The following AMZ1 variants were observed in gnomAD, a reference collection of about 807,000 sequenced individuals.
AMZ1 encodes the protein archaelysin family metallopeptidase 1, also known as archaemetzincin-1.
A neutral mutation model predicts 29.9 loss-of-function variants in AMZ1; 39 were observed. That is an observed-to-expected ratio of 1.30 (90% CI 1.01 to 1.70). The LOEUF (loss-of-function observed/expected upper bound fraction) is 1.70, where lower values mean the gene tolerates loss of function less well. Ranked by LOEUF, AMZ1 falls within the 40% of genes most tolerant of loss-of-function variation. AMZ1 has a pLI of 0.00. For missense variants in AMZ1, 1,041 were observed against 680.6 expected (o/e 1.53, Z -5.89); for synonymous variants, 458 against 304.0 (o/e 1.51, Z -5.27).
In AMZ1 at chr7:2,694,018, G is replaced by A. The variant is rs572165102; in HGVS notation, c.-219+5722G>A. On this transcript the variant is annotated intron_variant, in intron 1 of 6. Coordinates refer to ENST00000683327, the MANE Select transcript of AMZ1 (RefSeq NM_001384743.1). ...TGGAAAACCCCCAGCACAGGGCCCA[G>A]CACCCAGGAAGCCCTTGGCAGCTAA... Among the ~76,000 whole-genome samples, 4 of 152,318 alleles carry A rather than the reference G, an allele frequency of 2.6e-5. No homozygotes were observed. The East Asian group carries it at 5.8e-4, about 22-fold the overall frequency.
chr7:2,680,972 T>A (rs768882421), intron 1 of AMZ1, among the ~76,000 whole-genome samples: 1 of 152,172 alleles, frequency 6.6e-6, no homozygotes, highest in Admixed American at 6.5e-5. Flanking sequence ...AATGGGGTAC[T>A]GACCCACAGG....
intron 2 of AMZ1, among the ~76,000 whole-genome samples, chr7:2,701,472 C>T (rs1198666479): frequency 1.3e-5 from 2 of 152,128 alleles, no homozygotes; most frequent in East Asian, 1.9e-4. Context: ...TGGTCACTGT[C>T]CTCAGAGCTC....
At chr7:2,750,284 A>G (rs1357877910) in intron 4 of AMZ1, among the ~76,000 whole-genome samples, 2 of 152,186 alleles carry the variant, frequency 1.3e-5, no homozygotes, top group African/African-American at 4.8e-5. Context: ...TGCTGCCCCC[A>G]AACTGCAGAG....
intron 4 of AMZ1, among the ~76,000 whole-genome samples, chr7:2,740,501 C>A (rs1041376406): frequency 6.6e-6 from 1 of 152,178 alleles, no homozygotes; most frequent in East Asian, 1.9e-4. Flanking sequence ...TCCTCAATTT[C>A]CAATCTCCAG....
upstream of AMZ1, among the ~76,000 whole-genome samples, chr7:2,761,344 G>A (rs1385253480): frequency 6.6e-6 from 1 of 152,206 alleles, no homozygotes; most frequent in Non-Finnish European, 1.5e-5. Flanking sequence ...TAGAGGCACG[G>A]GGTGGGCACG....
At chr7:2,764,942 A>G (rs1232962317) in intron 1 of AMZ1, 3 of 152,246 alleles carry the variant, frequency 2.0e-5, no homozygotes, top group African/African-American at 7.2e-5. Context: ...GCGTTGAGGT[A>G]GGTCAACTGC....
chr7:2,745,692 G>A (rs557654753), intron 4 of AMZ1, among the ~76,000 whole-genome samples: 3 of 152,276 alleles, frequency 2.0e-5, no homozygotes, highest in South Asian at 4.2e-4. Context: ...ATGTAAATGG[G>A]CTAAATGCTC....
At chr7:2,703,231 C>G (rs1372216008) in intron 3 of AMZ1, among the ~76,000 whole-genome samples, 1 of 152,172 alleles carries the variant, frequency 6.6e-6, no homozygotes, top group African/African-American at 2.4e-5. Flanking sequence ...ACTGCAACCT[C>G]CCGGTTGAGG....
rs998546611 is a variant in AMZ1 at position 2,719,366 on chromosome 7, C to G, written c.*6488C>G. ...GAGCAATGCCTAAAGAGGGCAAAGGCCCGCGCGCCTGGCAGAGCTCCCTCC... is the reference window on the plus strand; with the variant it reads ...GAGCAATGCCTAAAGAGGGCAAAGGGCCGCGCGCCTGGCAGAGCTCCCTCC... On this transcript the variant is annotated 3_prime_UTR_variant, in exon 7 of 7. Coordinates refer to ENST00000683327, the MANE Select transcript of AMZ1 (RefSeq NM_001384743.1). Among the ~76,000 whole-genome samples the G allele has an allele frequency of 2.1e-4, 32 of 152,346 alleles. No individual in the cohort carries two copies. Among genetic ancestry groups the G allele is most frequent in the African/African-American group, 6.7e-4 (28 of 41,584 alleles).
In AMZ1 at chr7:2,701,591, G is replaced by A. The variant is rs1194345700; in HGVS notation, c.304+836G>A. ...CAGGTGCGGGGAGCGCGAGGGGCAG[G>A]GCCAGCTCTGTGCCTCTCACATGCC... On this transcript the variant is annotated intron_variant, in intron 2 of 6. Transcript: ENST00000683327. Among the ~76,000 whole-genome samples the A allele has an allele frequency of 2.0e-5, 3 of 152,222 alleles. No homozygotes were observed. In the East Asian group the frequency reaches 5.8e-4, roughly 29 times the overall value.
upstream of AMZ1, chr7:2,762,118 G>A (rs1370478750): frequency 6.5e-6 from 1 of 152,992 alleles, no homozygotes; most frequent in Non-Finnish European, 1.5e-5. Context: ...AGAGAAACCT[G>A]TGAAAACAAG....
At chr7:2,687,512 G>A (rs1403077394), upstream of AMZ1, among the ~76,000 whole-genome samples, 3 of 152,210 alleles carry the variant, frequency 2.0e-5, no homozygotes, top group Admixed American at 6.5e-5. Flanking sequence ...TATGGAAAAG[G>A]CCTCTGGGCT....
At chr7:2,739,325 T>G (rs1273774910) in intron 4 of AMZ1, among the ~76,000 whole-genome samples, 1 of 148,904 alleles carries the variant, frequency 6.7e-6, no homozygotes, top group African/African-American at 2.6e-5. Context: ...GAATCTGCTT[T>G]CTGTCTCCAT....
intron 4 of AMZ1, among the ~76,000 whole-genome samples, chr7:2,736,998 G>A (rs964116971): frequency 6.6e-6 from 1 of 152,164 alleles, no homozygotes; most frequent in Non-Finnish European, 1.5e-5. Context: ...CCTAATTGGA[G>A]CCTTTCTACC....
At chr7:2,720,549 G>A (rs569620194), downstream of AMZ1, among the ~76,000 whole-genome samples, 3 of 151,902 alleles carry the variant, frequency 2.0e-5, no homozygotes, top group Admixed American at 6.6e-5. Context: ...GACTACAGGC[G>A]CCTGCCACCA....
upstream of AMZ1, among the ~76,000 whole-genome samples, chr7:2,685,847 CGTCTCAAGAAAAAAAA>C (rs1787059170): frequency 7.1e-6 from 1 of 141,056 alleles, no homozygotes; most frequent in Non-Finnish European, 1.5e-5. Flanking sequence ...AGCGAGACTC[CGTCTCAAGAAAAAAAA>C]AAAAAAAAAA....
Position 2,709,093 on chromosome 7 carries a change from T to G in AMZ1, c.620T>G (p.Phe207Cys). The change falls in exon 5 of 7, where the codon TTC becomes TGC. Residue 207 changes from phenylalanine (F) to cysteine (C), a missense_variant. Transcript: ENST00000683327. ...LPGHEVGVCS[F>C]ARFSGEFPKS... ...TCTCCAGAAGTGGGCGTCTGCAGCT[T>G]CGCCCGGTTCTCAGGGGAATTCCCG... is the stretch of plus-strand genomic sequence containing the variant. The G allele has an allele frequency of 1.3e-6, 2 of 1,597,292 alleles. No homozygotes were observed. The highest frequency in any genetic ancestry group is 1.7e-6 in the Non-Finnish European group (2 of 1,171,738).
In AMZ1 at chr7:2,702,919, C is replaced by T. The variant is rs965283926; in HGVS notation, c.472+30C>T. The T allele has an allele frequency of 6.4e-6, 10 of 1,553,414 alleles. No homozygotes were observed. The Middle Eastern group carries it at 8.4e-4, about 130-fold the overall frequency. The stretch of plus-strand genomic sequence containing the variant: ...GTGAGGACGGCAGCCGCCGCTCAGG[C>T]CAAGGCAGGCCCCTTCTGGAAGGAA... On this transcript the variant is annotated intron_variant, in intron 3 of 6. Transcript: ENST00000683327.
upstream of AMZ1, among the ~76,000 whole-genome samples, chr7:2,684,051 G>C (rs1010249735): frequency 4.6e-5 from 7 of 151,980 alleles, no homozygotes; most frequent in South Asian, 1.2e-3. Context: ...GGTGGCACGC[G>C]CCTATAATCC....
Sources: allele counts gnomAD v4.1 joint callset (sites outside exome capture counted in the v4.1 genomes callset), GRCh38; gene constraint gnomAD v4.1.1; transcripts MANE v1.5; gene names NCBI Gene and HGNC (gene_info 2026-07-23, HGNC 2026-07-21).